The following CCDC91 variants were observed in gnomAD, a reference collection of about 807,000 sequenced individuals.
The protein encoded by CCDC91 is coiled-coil domain containing 91.
In CCDC91, 48 loss-of-function variants were observed where a neutral mutation model predicts 63.2. That is an observed-to-expected ratio of 0.76 (90% CI 0.60 to 0.97). The LOEUF (loss-of-function observed/expected upper bound fraction) is 0.97. Among genes scored for constraint, CCDC91 ranks in the 50% least tolerant of loss-of-function variants. CCDC91 has a pLI of 0.00. For synonymous variants in CCDC91, 167 were observed against 165.8 expected (o/e 1.01, Z -0.06); for missense variants, 500 against 494.6 (o/e 1.01, Z -0.10).
rs1297812504 is a variant in CCDC91 at position 28,362,869 on chromosome 12, A to T, written c.654+354A>T. ...TAAGGCATGAAATATATCAGAAAAA[A>T]ATATTATACCTTTTTGCTTTTCTTT... On this transcript the variant is annotated intron_variant, in intron 7 of 12. Coordinates refer to ENST00000536442, the MANE Select transcript of CCDC91 (RefSeq NM_018318.5). 2.0e-5 allele frequency among the ~76,000 whole-genome samples: 3 copies of T among 152,166 alleles called. No individual in the cohort carries two copies. The East Asian group carries it at 5.8e-4, about 29-fold the overall frequency.
At chr12:28,317,105 CCT>C (rs1939973310) in intron 6 of CCDC91, among the ~76,000 whole-genome samples, 4 of 151,952 alleles carry the variant, frequency 2.6e-5, no homozygotes, top group Non-Finnish European at 5.9e-5. Flanking sequence ...GTTACTTTTA[CCT>C]TTTTTCCTGC....
intron 12 of CCDC91, among the ~76,000 whole-genome samples, chr12:28,518,767 A>G (rs1940245485): frequency 6.6e-6 from 1 of 152,020 alleles, no homozygotes; most frequent in East Asian, 1.9e-4. Flanking sequence ...GTTATCTTCT[A>G]GAATTTTTAT....
chr12:28,495,039 C>T (rs1314837540), intron 12 of CCDC91, among the ~76,000 whole-genome samples: 1 of 151,700 alleles, frequency 6.6e-6, no homozygotes, highest in Non-Finnish European at 1.5e-5. Flanking sequence ...AGTAGTACAA[C>T]GTGGTCTTCT....
intron 1 of CCDC91, among the ~76,000 whole-genome samples, chr12:28,198,505 A>C (rs1049417269): frequency 3.9e-5 from 6 of 152,210 alleles, no homozygotes; most frequent in Non-Finnish European, 7.3e-5. Context: ...GGGCATGAAA[A>C]ACAAAATAAG....
chr12:28,350,806 T>C (rs982235364), intron 6 of CCDC91, among the ~76,000 whole-genome samples: 1 of 152,230 alleles, frequency 6.6e-6, no homozygotes, highest in Non-Finnish European at 1.5e-5. Context: ...TCTGCTTCTA[T>C]CTTCTCCTGG....
intron 3 of CCDC91, among the ~76,000 whole-genome samples, chr12:28,273,586 G>A (rs1406379817): frequency 6.6e-6 from 1 of 152,056 alleles, no homozygotes; most frequent in Non-Finnish European, 1.5e-5. Context: ...TTCTCTGATG[G>A]CCAGTGATGA....
At chr12:28,383,210 C>T (rs1945398405) in intron 7 of CCDC91, among the ~76,000 whole-genome samples, 1 of 151,904 alleles carries the variant, frequency 6.6e-6, no homozygotes, top group Non-Finnish European at 1.5e-5. Flanking sequence ...CACTTTATAG[C>T]GTGGCTAGAC....
At chr12:28,495,025 G>C (rs980632467) in intron 12 of CCDC91, among the ~76,000 whole-genome samples, 2 of 151,712 alleles carry the variant, frequency 1.3e-5, no homozygotes, top group African/African-American at 4.8e-5. Context: ...CATCCATTCT[G>C]ACCAGTAGTA....
intron 7 of CCDC91, 122 bp from the exon 8 acceptor site, chr12:28,391,182 A>G (rs535050871): frequency 9.2e-6 from 5 of 541,750 alleles, no homozygotes; most frequent in African/African-American, 7.8e-5. Flanking sequence ...TAACAAATAC[A>G]TATTTTGTAA....
At chr12:28,456,285 G>A (rs1950054884) in intron 11 of CCDC91, among the ~76,000 whole-genome samples, 1 of 152,106 alleles carries the variant, frequency 6.6e-6, no homozygotes, top group Non-Finnish European at 1.5e-5. Context: ...AAAGAGCTAT[G>A]ATAAGCAAAT....
chr12:28,469,906 C>A (rs897289181), intron 11 of CCDC91, among the ~76,000 whole-genome samples: 1 of 151,980 alleles, frequency 6.6e-6, no homozygotes, highest in Non-Finnish European at 1.5e-5. Flanking sequence ...GTAAACTAGA[C>A]CCCCATCTCT....
chr12:28,269,754 T>G (rs1320569510), intron 3 of CCDC91, among the ~76,000 whole-genome samples: 1 of 152,186 alleles, frequency 6.6e-6, no homozygotes, highest in Non-Finnish European at 1.5e-5. Context: ...AATTTTGACT[T>G]ATGATATTCC....
chr12:28,486,215 A>G (rs11049661), intron 12 of CCDC91, among the ~76,000 whole-genome samples: 58,404 of 152,022 alleles, frequency 0.38, 11,595 homozygotes, highest in Middle Eastern at 0.48. Context: ...TACTCTGTAT[A>G]AGTGAAACCA....
chr12:28,305,650 A>T lies in CCDC91; in HGVS notation c.111A>T (p.Val37=). The T allele has an allele frequency of 1.2e-6, 2 of 1,609,618 alleles. No individual in the cohort carries two copies. Among genetic ancestry groups the T allele is most frequent in the Non-Finnish European group, 1.7e-6 (2 of 1,177,840 alleles). Residue 37 remains valine (V), a splice_region_variant and synonymous_variant, in exon 4 of 13, where the codon GTA becomes GTT. Transcript: ENST00000536442. ...PAIPWAAFPA[V]SGVHLSPSSP... ...TTTGTTGTTGTTGTTTTTCTTTAGT[A>T]TCTGGAGTCCATCTTTCACCATCTT...
rs550632638 is a variant in CCDC91 at position 28,325,480 on chromosome 12, G to T, written c.576+17731G>T. ...CATGTTAGTGGATAAGAAAGACAGTGTTTAATAAACATAAAAATAAGTTAA... is the reference window on the plus strand; with the variant it reads ...CATGTTAGTGGATAAGAAAGACAGTTTTTAATAAACATAAAAATAAGTTAA... On this transcript the variant is annotated intron_variant, in intron 6 of 12. Transcript: ENST00000536442. Among the ~76,000 whole-genome samples, 3 of 151,884 alleles carry T rather than the reference G, an allele frequency of 2.0e-5. No individual in the cohort carries two copies. The East Asian group carries it at 5.8e-4, about 30-fold the overall frequency.
intron 8 of CCDC91, among the ~76,000 whole-genome samples, chr12:28,443,524 C>T (rs1949342438): frequency 6.6e-6 from 1 of 151,946 alleles, no homozygotes; most frequent in Non-Finnish European, 1.5e-5. Flanking sequence ...ACACTGAGAG[C>T]CTCTAGAGGG....
At chr12:28,237,435 A>G (rs1050703192) in intron 1 of CCDC91, among the ~76,000 whole-genome samples, 4 of 152,188 alleles carry the variant, frequency 2.6e-5, no homozygotes, top group Admixed American at 6.6e-5. Context: ...CCTAAATACT[A>G]TCACAAGTGT....
intron 8 of CCDC91, among the ~76,000 whole-genome samples, chr12:28,442,244 A>G (rs1376505117): frequency 6.6e-6 from 1 of 152,136 alleles, no homozygotes; most frequent in Non-Finnish European, 1.5e-5. Flanking sequence ...TAGACTGAGG[A>G]GTATTAAGAA....
intron 1 of CCDC91, among the ~76,000 whole-genome samples, chr12:28,222,789 C>A (rs115996752): frequency 6.6e-6 from 1 of 152,158 alleles, no homozygotes; most frequent in African/African-American, 2.4e-5. Context: ...CATTATTATC[C>A]TTTTCGTTGT....
Sources: gnomAD v4.1 joint callset for allele counts (sites outside exome capture counted in the v4.1 genomes callset) on GRCh38, gnomAD v4.1.1 for gene constraint, MANE v1.5 for transcripts, NCBI Gene and HGNC (gene_info 2026-07-23, HGNC 2026-07-21) for gene names.